Variants in NDUFS4 observed in about 807,000 individuals in gnomAD.
NDUFS4 encodes NADH dehydrogenase [ubiquinone] iron-sulfur protein 4, mitochondrial.
Under a neutral mutation model 24.3 loss-of-function variants are expected in NDUFS4, and 28 were observed. The observed-to-expected ratio is 1.15, with a 90% confidence interval of 0.85 to 1.58. The LOEUF is 1.58. NDUFS4 is among the 40% of genes most tolerant of loss of function. The pLI is 0.00. For missense variants in NDUFS4, 223 were observed against 207.9 expected, an observed-to-expected ratio of 1.07 and a Z score of -0.45; for synonymous variants, 93 against 69.7, an observed-to-expected ratio of 1.34 and a Z score of -1.67.
At position 53,658,716 on chromosome 5, in the gene NDUFS4, GAATCCAGTGGTTTCATTGTATCT is replaced by G. The variant is rs571803914; in HGVS notation, c.424+108_424+130del. ...AATTAAGTATACAGAATTTGAGTTGGAATCCAGTGGTTTCATTGTATCTAATCCAGTGGTTTCAGACTTTAACT... is the reference window on the plus strand; with the variant it reads ...AATTAAGTATACAGAATTTGAGTTGGAATCCAGTGGTTTCAGACTTTAACT... On this transcript the variant is annotated intron_variant, in intron 4 of 4. Coordinates refer to ENST00000296684, the MANE Select transcript of NDUFS4 (RefSeq NM_002495.4). 1,744 of 1,023,574 alleles carry G rather than the reference GAATCCAGTGGTTTCATTGTATCT, an allele frequency of 1.7e-3. 6 individuals are homozygous for G. Among genetic ancestry groups the G allele is most frequent in the Non-Finnish European group, 2.2e-3 (1,516 of 690,592 alleles). 63.4% of individuals were successfully genotyped at this position (1,023,574 alleles called of 1,614,324 possible).
chr5:53,587,117 C>T (rs938868806), intron 1 of NDUFS4, among the ~76,000 whole-genome samples: 1 of 152,080 alleles, frequency 6.6e-6, no homozygotes, highest in African/African-American at 2.4e-5. Context: ...AACCATTGCA[C>T]CCGGCCGAGT....
At chr5:53,561,879 C>T (rs1487558393) in intron 1 of NDUFS4, among the ~76,000 whole-genome samples, 2 of 152,062 alleles carry the variant, frequency 1.3e-5, no homozygotes, top group Non-Finnish European at 2.9e-5. Flanking sequence ...GGCTTGAAAG[C>T]ATTAGTTAAA....
At chr5:53,601,532 A>C (rs1424830648) in intron 1 of NDUFS4, among the ~76,000 whole-genome samples, 2 of 152,240 alleles carry the variant, frequency 1.3e-5, no homozygotes, top group Non-Finnish European at 2.9e-5. Flanking sequence ...AAATGGGTAC[A>C]GAGTTTTAAT....
intron 2 of NDUFS4, among the ~76,000 whole-genome samples, chr5:53,620,227 T>C (rs555660310): frequency 2.6e-5 from 4 of 152,168 alleles, no homozygotes; most frequent in Non-Finnish European, 5.9e-5. Flanking sequence ...TTTAGAGATA[T>C]GGCTTTATTT....
intron 2 of NDUFS4, among the ~76,000 whole-genome samples, chr5:53,639,192 C>T (rs1239258068): frequency 6.6e-6 from 1 of 151,280 alleles, no homozygotes; most frequent in Non-Finnish European, 1.5e-5. Flanking sequence ...TTCTCTTCAC[C>T]CTTCTTAATT....
intron 2 of NDUFS4, among the ~76,000 whole-genome samples, chr5:53,626,192 C>T (rs1397301606): frequency 1.3e-5 from 2 of 152,130 alleles, no homozygotes; most frequent in Non-Finnish European, 2.9e-5. Flanking sequence ...CAGTTTCATC[C>T]ATGTCCCTGC....
At chr5:53,678,217 G>T (rs1172049397) in intron 4 of NDUFS4, among the ~76,000 whole-genome samples, 1 of 152,136 alleles carries the variant, frequency 6.6e-6, no homozygotes, top group Non-Finnish European at 1.5e-5. Context: ...AAGAAATTGG[G>T]CATGGGATGT....
rs183490534 is a variant in NDUFS4 at position 53,680,589 on chromosome 5, G to A, written c.425-2529G>A. 2.5e-3 allele frequency among the ~76,000 whole-genome samples: 375 copies of A among 152,032 alleles called. 2 individuals carry two copies. The highest frequency in any genetic ancestry group is 8.6e-3 in the African/African-American group (357 of 41,476). ...AAATCATCATTCTCAGTAAACTATC[G>A]CAAGGACAAAAAACCAAACACCACA... On this transcript the variant is annotated intron_variant, in intron 4 of 4. Transcript: ENST00000296684.
chr5:53,598,105 A>C (rs1036687963), intron 1 of NDUFS4, among the ~76,000 whole-genome samples: 1 of 152,236 alleles, frequency 6.6e-6, no homozygotes, highest in Non-Finnish European at 1.5e-5. Flanking sequence ...TGACCACACC[A>C]AATGCTGGCA....
intron 1 of NDUFS4, among the ~76,000 whole-genome samples, chr5:53,592,575 G>T (rs1750007180): frequency 6.6e-6 from 1 of 152,158 alleles, no homozygotes; most frequent in Non-Finnish European, 1.5e-5. Flanking sequence ...TCTGTGAAAG[G>T]TGTAATGTCA....
chr5:53,659,727 GA>G (rs1454464212), intron 4 of NDUFS4, among the ~76,000 whole-genome samples: 1 of 152,116 alleles, frequency 6.6e-6, no homozygotes, highest in Non-Finnish European at 1.5e-5. Context: ...AACATTACCT[GA>G]AATACAAATG....
At chr5:53,561,898 A>G (rs1325288442) in intron 1 of NDUFS4, among the ~76,000 whole-genome samples, 2 of 152,222 alleles carry the variant, frequency 1.3e-5, no homozygotes, top group Non-Finnish European at 2.9e-5. Context: ...AACGATTACT[A>G]AATACATAGA....
chr5:53,679,533 T>G (rs181988922), intron 4 of NDUFS4, among the ~76,000 whole-genome samples: 79 of 152,248 alleles, frequency 5.2e-4, no homozygotes, highest in African/African-American at 1.8e-3. Flanking sequence ...TGTATAAAAC[T>G]TCATTCTTCT....
intron 1 of NDUFS4, among the ~76,000 whole-genome samples, chr5:53,591,737 T>G (rs1238828963): frequency 1.3e-5 from 2 of 152,158 alleles, no homozygotes; most frequent in Non-Finnish European, 2.9e-5. Context: ...TTTCTCAAAT[T>G]TGGTGTGGTA....
intron 4 of NDUFS4, among the ~76,000 whole-genome samples, chr5:53,670,530 TTTTA>T (rs938010571): frequency 8.5e-6 from 1 of 117,986 alleles, no homozygotes; most frequent in African/African-American, 4.4e-5. Flanking sequence ...ACATATTTCC[TTTTA>T]TTTAATGTGG....
chr5:53,576,109 G>A (rs1275744171), intron 1 of NDUFS4, among the ~76,000 whole-genome samples: 1 of 152,228 alleles, frequency 6.6e-6, no homozygotes, highest in East Asian at 1.9e-4. Context: ...GTAAATGATG[G>A]AAGTTTTGGT....
At chr5:53,671,461 C>T (rs1194650612) in intron 4 of NDUFS4, among the ~76,000 whole-genome samples, 2 of 152,138 alleles carry the variant, frequency 1.3e-5, no homozygotes, top group Non-Finnish European at 2.9e-5. Context: ...TATAAATACC[C>T]CTGATTCTTT....
At chr5:53,634,781 T>G (rs1332492875) in intron 2 of NDUFS4, among the ~76,000 whole-genome samples, 1 of 152,096 alleles carries the variant, frequency 6.6e-6, no homozygotes, top group African/African-American at 2.4e-5. Flanking sequence ...AAAGGTAATG[T>G]TATATAAGTT....
At chr5:53,638,904 A>G (rs1579906994) in intron 2 of NDUFS4, among the ~76,000 whole-genome samples, 1 of 152,210 alleles carries the variant, frequency 6.6e-6, no homozygotes, top group South Asian at 2.1e-4. Context: ...AAAACTATGT[A>G]AATGAATTCA....
Sources: allele counts gnomAD v4.1 joint callset (sites outside exome capture counted in the v4.1 genomes callset), GRCh38; gene constraint gnomAD v4.1.1; transcripts MANE v1.5; gene names NCBI Gene and HGNC (gene_info 2026-07-23, HGNC 2026-07-21).